Variants in TENM2 observed in about 807,000 individuals in gnomAD.
The protein encoded by TENM2 is teneurin transmembrane protein 2.
TENM2 carries 52 observed loss-of-function variants against 245.2 expected under a neutral mutation model. That is an observed-to-expected ratio of 0.21 (90% CI 0.17 to 0.27). The LOEUF is 0.27. Among genes scored for constraint, TENM2 ranks in the 10% least tolerant of loss-of-function variants. The probability of loss-of-function intolerance (pLI) is 1.00; values close to 1 mark genes in which losing one functional copy is unlikely to be tolerated. For missense variants in TENM2, 3,046 were observed against 3,666.8 expected, an observed-to-expected ratio of 0.83 and a Z score of 4.37; for synonymous variants, 1,363 against 1,438.9, an observed-to-expected ratio of 0.95 and a Z score of 1.19.
chr5:167,747,891 T>C (rs1346249700), intron 2 of TENM2, among the ~76,000 whole-genome samples: 4 of 152,164 alleles, frequency 2.6e-5, no homozygotes, highest in Non-Finnish European at 5.9e-5. Context: ...CAAGTCCCTC[T>C]CTCTCTATTT....
chr5:168,198,844 C>A lies in TENM2; in HGVS notation c.2901-9C>A. On this transcript the variant is annotated splice_polypyrimidine_tract_variant and intron_variant, in intron 15 of 28. Coordinates refer to ENST00000518659, the Ensembl canonical transcript of TENM2. ...TACCCCCTCATCAGCTCATTTACTC[C>A]CTCTCCAGGTTCGACCTGATCGCAA... 1.2e-6 allele frequency: 2 copies of A among 1,611,440 alleles called. No individual in the cohort carries two copies. The highest frequency in any genetic ancestry group is 8.5e-7 in the Non-Finnish European group (1 of 1,177,790).
At chr5:167,277,033 T>A in the TENM2 span, among the ~76,000 whole-genome samples, 1 of 152,156 alleles carries the variant, frequency 6.6e-6, no homozygotes. Context: ...TAGAGGTTTG[T>A]CATTCTTATT....
chr5:167,168,032 C>T, the TENM2 span, among the ~76,000 whole-genome samples: 2 of 152,168 alleles, frequency 1.3e-5, no homozygotes, highest in African/African-American at 2.4e-5. Context: ...ACTCATCAGA[C>T]CAGACTGAAA....
chr5:167,723,239 C>T (rs1315574163), intron 2 of TENM2, among the ~76,000 whole-genome samples: 1 of 152,140 alleles, frequency 6.6e-6, no homozygotes, highest in Admixed American at 6.5e-5. Flanking sequence ...TGCATGGTGA[C>T]TTTCCTTATA....
At chr5:167,189,446 G>A in the TENM2 span, among the ~76,000 whole-genome samples, 1 of 152,042 alleles carries the variant, frequency 6.6e-6, no homozygotes. Context: ...AAATTAAACA[G>A]TATGTTTCTT....
intron 1 of TENM2, among the ~76,000 whole-genome samples, chr5:167,295,865 A>T (rs376954262): frequency 6.6e-6 from 1 of 152,102 alleles, no homozygotes; most frequent in Non-Finnish European, 1.5e-5. Flanking sequence ...TTTCCACTCA[A>T]CCTCAAGTCA....
chr5:167,170,674 T>C, the TENM2 span, among the ~76,000 whole-genome samples: 1 of 152,186 alleles, frequency 6.6e-6, no homozygotes, highest in Non-Finnish European at 1.5e-5. Flanking sequence ...AATTTATACT[T>C]TTAAAAGTTG....
At chr5:167,188,227 T>C in the TENM2 span, among the ~76,000 whole-genome samples, 5 of 152,152 alleles carry the variant, frequency 3.3e-5, no homozygotes, top group Non-Finnish European at 5.9e-5. Context: ...CAAACAGCCC[T>C]GTGATTAAAT....
the TENM2 span, among the ~76,000 whole-genome samples, chr5:167,219,848 A>G: frequency 6.6e-6 from 1 of 152,244 alleles, no homozygotes; most frequent in African/African-American, 2.4e-5. Flanking sequence ...AAACGCTTTC[A>G]ACACACCTTT....
intron 12 of TENM2, among the ~76,000 whole-genome samples, chr5:168,148,771 G>T (rs1332841160): frequency 1.3e-5 from 2 of 152,090 alleles, no homozygotes; most frequent in Non-Finnish European, 2.9e-5. Flanking sequence ...TCCTCTATGA[G>T]GTCGTTTGAC....
chr5:167,997,298 T>TGCA (rs1784123512), intron 5 of TENM2, among the ~76,000 whole-genome samples: 1 of 152,180 alleles, frequency 6.6e-6, no homozygotes, highest in Admixed American at 6.6e-5. Flanking sequence ...TCTCACATAC[T>TGCA]GTATGAAACT....
At chr5:167,583,897 A>G (rs751923357) in intron 2 of TENM2, among the ~76,000 whole-genome samples, 10 of 152,146 alleles carry the variant, frequency 6.6e-5, no homozygotes, top group Non-Finnish European at 1.2e-4. Flanking sequence ...TTAACACTCC[A>G]GTTTGTCCCT....
At chr5:167,116,872 G>T in the TENM2 span, among the ~76,000 whole-genome samples, 1 of 152,226 alleles carries the variant, frequency 6.6e-6, no homozygotes, top group Admixed American at 6.5e-5. Context: ...AAATGTTCAG[G>T]CTATCTTGTC....
chr5:167,534,581 G>T (rs1250976088), intron 2 of TENM2, among the ~76,000 whole-genome samples: 1 of 152,172 alleles, frequency 6.6e-6, no homozygotes, highest in Non-Finnish European at 1.5e-5. Context: ...CTGGCAACTC[G>T]ATGTGGAGTG....
At chr5:167,846,151 C>T (rs1054489803) in intron 2 of TENM2, among the ~76,000 whole-genome samples, 14 of 152,330 alleles carry the variant, frequency 9.2e-5, no homozygotes, top group South Asian at 8.3e-4. Flanking sequence ...GACAATGCAG[C>T]CACCTATTTA....
At chr5:168,094,941 C>T (rs1286927453) in intron 8 of TENM2, among the ~76,000 whole-genome samples, 2 of 151,872 alleles carry the variant, frequency 1.3e-5, no homozygotes, top group Admixed American at 1.3e-4. Flanking sequence ...GTGAACTGTG[C>T]ATGCGAGGGA....
At chr5:167,093,266 G>A in the TENM2 span, among the ~76,000 whole-genome samples, 1 of 152,164 alleles carries the variant, frequency 6.6e-6, no homozygotes, top group African/African-American at 2.4e-5. Flanking sequence ...GGATTCCACG[G>A]ATACAAGAGT....
At chr5:167,527,264 TTG>T (rs1313046607) in intron 2 of TENM2, among the ~76,000 whole-genome samples, 1 of 152,088 alleles carries the variant, frequency 6.6e-6, no homozygotes, top group Non-Finnish European at 1.5e-5. Context: ...AGCTCAAGGA[TTG>T]TGTTTGCTAG....
the TENM2 span, among the ~76,000 whole-genome samples, chr5:167,210,792 C>G: frequency 6.6e-6 from 1 of 152,172 alleles, no homozygotes; most frequent in Non-Finnish European, 1.5e-5. Context: ...CCTTCCTCTA[C>G]ATGCATTTTC....
Sources: gnomAD v4.1 joint callset for allele counts (sites outside exome capture counted in the v4.1 genomes callset) on GRCh38, gnomAD v4.1.1 for gene constraint, MANE v1.5 for transcripts, NCBI Gene and HGNC (gene_info 2026-07-23, HGNC 2026-07-21) for gene names.